Variants in AAK1 observed in about 807,000 individuals in gnomAD.
AAK1 encodes the protein AP2-associated protein kinase 1.
Under a neutral mutation model 116.0 loss-of-function variants are expected in AAK1, and 37 were observed. The ratio of observed to expected loss-of-function variants is 0.32; its 90% CI spans 0.25 to 0.42. The LOEUF (loss-of-function observed/expected upper bound fraction) is 0.42, where lower values mean the gene tolerates loss of function less well. Among genes scored for constraint, AAK1 ranks in the 10% least tolerant of loss-of-function variants. The pLI is 1.00. For missense variants in AAK1, 919 were observed against 1,170.6 expected (o/e 0.79, Z 3.14); for synonymous variants, 458 against 439.9 (o/e 1.04, Z -0.51).
intron 2 of AAK1, among the ~76,000 whole-genome samples, chr2:69,577,538 TGAGTGGCAATATGG>T (rs1672363244): frequency 6.6e-6 from 1 of 152,186 alleles, no homozygotes; most frequent in Admixed American, 6.5e-5. Flanking sequence ...CAGGCAGAGC[TGAGTGGCAATATGG>T]GAGAGCGCCA....
chr2:69,518,419 T>TG (rs70954348), intron 12 of AAK1, among the ~76,000 whole-genome samples: 16,532 of 136,406 alleles, frequency 0.12, 1,430 homozygotes, highest in African/African-American at 0.19. Context: ...TAGTTTTTTT[T>TG]TTTTTTTTTT....
At chr2:69,582,764 G>C (rs1298166748) in intron 2 of AAK1, among the ~76,000 whole-genome samples, 3 of 152,194 alleles carry the variant, frequency 2.0e-5, no homozygotes, top group Non-Finnish European at 2.9e-5. Flanking sequence ...GAAGAGAAGA[G>C]ACAGACTCAG....
chr2:69,495,322 C>T (rs1675695340), intron 17 of AAK1, among the ~76,000 whole-genome samples: 1 of 152,164 alleles, frequency 6.6e-6, no homozygotes, highest in Non-Finnish European at 1.5e-5. Flanking sequence ...ACATCAACCA[C>T]TTTCTACTTT....
intron 13 of AAK1, 175 bp from the exon 14 acceptor site, chr2:69,509,635 C>CG (rs1676315743): frequency 4.9e-6 from 3 of 616,520 alleles, no homozygotes; most frequent in Non-Finnish European, 8.5e-6. Context: ...CTTTGACAAT[C>CG]TGTGCTGCAA....
intron 2 of AAK1, among the ~76,000 whole-genome samples, chr2:69,574,356 T>TGAC (rs1672210409): frequency 8.0e-6 from 1 of 125,624 alleles, no homozygotes; most frequent in Admixed American, 1.0e-4. Context: ...TCAGACTAGG[T>TGAC]GACAGAGTAA....
Position 69,475,737 on chromosome 2 carries a change from G to C in AAK1, c.*132C>G. On this transcript the variant is annotated 3_prime_UTR_variant, in exon 22 of 22. Transcript: ENST00000409085. Reference sequence around the variant, plus strand: ...ATCATTTCTACAGGAGAAGGCAAGGGGTAGGAGAAAAGGGCTGGAGGGCCC... The same window carrying C: ...ATCATTTCTACAGGAGAAGGCAAGGCGTAGGAGAAAAGGGCTGGAGGGCCC... 6.9e-7 allele frequency: 1 copy of C among 1,445,506 alleles called. No homozygotes were observed. The highest frequency in any genetic ancestry group is 1.5e-5 in the South Asian group (1 of 67,310). The allele number at this position is 1,445,506 out of a possible 1,614,324, so 89.5% of individuals were successfully genotyped here.
Position 69,492,022 on chromosome 2 carries a change from GCA to G in AAK1, c.2365+3961_2365+3962del, listed in dbSNP as rs1349726110. Among the ~76,000 whole-genome samples, 6 of 152,184 alleles carry G rather than the reference GCA, an allele frequency of 3.9e-5. No homozygotes were observed. The East Asian group carries it at 1.2e-3, about 29-fold the overall frequency. Reference sequence around the variant, plus strand: ...GGCAATAAGAAGAATGTGTGGCTGAGCACAGTCCAAACAACACTAAGGACTCA... The same window carrying G: ...GGCAATAAGAAGAATGTGTGGCTGAGCAGTCCAAACAACACTAAGGACTCA... On this transcript the variant is annotated intron_variant, in intron 17 of 21. Coordinates refer to ENST00000409085, the MANE Select transcript of AAK1 (RefSeq NM_014911.5).
chr2:69,612,386 C>T (rs76199379), intron 2 of AAK1, among the ~76,000 whole-genome samples: 4,378 of 152,176 alleles, frequency 0.029, 212 homozygotes, highest in African/African-American at 0.1. Flanking sequence ...TAAACTTTCT[C>T]GGAAGTAAAA....
chr2:69,575,308 A>G (rs923133794), intron 2 of AAK1, among the ~76,000 whole-genome samples: 2 of 151,400 alleles, frequency 1.3e-5, no homozygotes, highest in African/African-American at 4.9e-5. Flanking sequence ...CTGGTATAAA[A>G]CCAGGGCCAG....
intron 17 of AAK1, among the ~76,000 whole-genome samples, chr2:69,492,947 CT>C (rs1172546500): frequency 6.6e-6 from 1 of 151,726 alleles, no homozygotes; most frequent in Non-Finnish European, 1.5e-5. Context: ...AGACTACTTG[CT>C]TTTTGCGGGG....
In AAK1 at chr2:69,525,677, C is replaced by G. The variant is rs115358141; in HGVS notation, c.976-565G>C. 2.1e-3 allele frequency among the ~76,000 whole-genome samples: 322 copies of G among 152,274 alleles called. 2 individuals carry two copies. The highest frequency in any genetic ancestry group is 7.6e-3 in the African/African-American group (316 of 41,552). Reference sequence around the variant, plus strand: ...CACAAGCCAAGGAGAGTTCCTCTGGCTTGAAATCTGCACTATCCATCTAAT... The same window carrying G: ...CACAAGCCAAGGAGAGTTCCTCTGGGTTGAAATCTGCACTATCCATCTAAT... On this transcript the variant is annotated intron_variant, in intron 9 of 21. Transcript: ENST00000409085.
chr2:69,618,465 C>T (rs59520073), intron 2 of AAK1, among the ~76,000 whole-genome samples: 10,275 of 152,224 alleles, frequency 0.067, 777 homozygotes, highest in East Asian at 0.16. Context: ...ATCACTAGCC[C>T]TCTGATGCCA....
At chr2:69,570,292 C>T (rs1384221558) in intron 2 of AAK1, among the ~76,000 whole-genome samples, 3 of 151,588 alleles carry the variant, frequency 2.0e-5, no homozygotes, top group African/African-American at 7.3e-5. Flanking sequence ...CTGTCTCAGT[C>T]TTCTGCTTGA....
At chr2:69,491,495 C>T (rs953645657) in intron 17 of AAK1, among the ~76,000 whole-genome samples, 25 of 152,140 alleles carry the variant, frequency 1.6e-4, no homozygotes, top group African/African-American at 5.3e-4. Context: ...AACAAACCAA[C>T]GAACCAACCT....
chr2:69,474,424 T>A lies in AAK1; in HGVS notation c.*1445A>T. On this transcript the variant is annotated 3_prime_UTR_variant, in exon 22 of 22. Coordinates refer to ENST00000409085, the MANE Select transcript of AAK1 (RefSeq NM_014911.5). ...CATAAGGAAATAAAATACACTTTAA[T>A]GAGTAAGTACATATAGAGAGGGTGA... 2.0e-6 allele frequency: 2 copies of A among 985,834 alleles called. No homozygotes were observed. Among genetic ancestry groups the A allele is most frequent in the Non-Finnish European group, 2.4e-6 (2 of 829,922 alleles). 61.1% of individuals were successfully genotyped at this position (985,834 alleles called of 1,614,324 possible). A position where few individuals can be genotyped will look rare whatever the true frequency, so the allele number is the denominator to read the frequency against.
Position 69,643,640 on chromosome 2 carries a change from G to A in AAK1, c.-300C>T. 8.1e-7 allele frequency: 1 copy of A among 1,227,764 alleles called. No individual in the cohort carries two copies. The highest frequency in any genetic ancestry group is 1.0e-6 in the Non-Finnish European group (1 of 985,440). The allele number at this position is 1,227,764 out of a possible 1,614,324, so 76.1% of individuals were successfully genotyped here. ...CGACATTGTCACGGCCGCCGGGCCG[G>A]CCTGCGACGCAGAGAAGAGGCGGCG... On this transcript the variant is annotated 5_prime_UTR_variant, in exon 1 of 22. Coordinates refer to ENST00000409085, the MANE Select transcript of AAK1 (RefSeq NM_014911.5).
At chr2:69,640,566 T>C (rs1009115752) in intron 2 of AAK1, among the ~76,000 whole-genome samples, 3 of 152,298 alleles carry the variant, frequency 2.0e-5, no homozygotes, top group African/African-American at 7.2e-5. Flanking sequence ...ACCTCCCTCA[T>C]CCATCTCAGA....
rs755344743 is a variant in AAK1, at chr2:69,478,975, C to T, written c.2656G>A (p.Ala886Thr). The T allele has an allele frequency of 4.3e-6, 7 of 1,613,342 alleles. No homozygotes were observed. The highest frequency in any genetic ancestry group is 1.7e-4 in the Middle Eastern group (1 of 6,060). Residue 886 changes from alanine to threonine, a missense_variant, in exon 20 of 22, where the codon GCA becomes ACA. Transcript: ENST00000409085. ...TDLLEEFAPT[A>T]ISAPVHKAAE... is the part of the protein sequence containing the mutation. ...CCTTTATGGACTGGAGCAGAGATTG[C>T]TGTGGGGGCAAACTCTTCCAGAAGG...
intron 9 of AAK1, 108 bp from the exon 10 acceptor site, chr2:69,525,220 G>T: frequency 9.0e-7 from 1 of 1,107,618 alleles, no homozygotes; most frequent in Non-Finnish European, 1.3e-6. Flanking sequence ...ACACATTTTG[G>T]GATCTTCTGG....
Sources: allele counts gnomAD v4.1 joint callset (sites outside exome capture counted in the v4.1 genomes callset), GRCh38; gene constraint gnomAD v4.1.1; transcripts MANE v1.5; gene names NCBI Gene and HGNC (gene_info 2026-07-23, HGNC 2026-07-21).